Variants in FASTKD1 observed in about 807,000 individuals in gnomAD.
FASTKD1 encodes FAST kinase domains 1, also known as FAST kinase domain-containing protein 1, mitochondrial.
Under a neutral mutation model 90.9 loss-of-function variants are expected in FASTKD1, and 94 were observed. The ratio of observed to expected loss-of-function variants is 1.03; its 90% CI spans 0.88 to 1.23. The LOEUF (loss-of-function observed/expected upper bound fraction) is 1.23, where lower values mean the gene tolerates loss of function less well. Among genes scored for constraint, FASTKD1 ranks in the 50% most tolerant of loss-of-function variants. The pLI, the probability that FASTKD1 is intolerant of heterozygous loss-of-function variation, is 0.00. For missense variants in FASTKD1, 945 were observed against 993.5 expected, an observed-to-expected ratio of 0.95 and a Z score of 0.66; for synonymous variants, 319 against 345.8, an observed-to-expected ratio of 0.92 and a Z score of 0.86.
chr2:169,556,660 C>A (rs2105395590), intron 6 of FASTKD1, among the ~76,000 whole-genome samples: 1 of 151,842 alleles, frequency 6.6e-6, no homozygotes, highest in Non-Finnish European at 1.5e-5. Context: ...CCCGCTTCTA[C>A]TAAAAAATAC....
Position 169,531,488 on chromosome 2 carries a change from A to G in FASTKD1, c.2191T>C (p.Phe731Leu), listed in dbSNP as rs1396806020. The G allele has an allele frequency of 6.3e-7, 1 of 1,599,200 alleles. No individual in the cohort carries two copies. Among genetic ancestry groups the G allele is most frequent in the Non-Finnish European group, 8.5e-7 (1 of 1,175,452 alleles). ...VLTPYYHKVD[F>L]ECILDKRKKP... ...TTTCTTTTATCCAAGATACACTCAA[A>G]ATCTTAAGGAAGCATAGAAACTGGT... Residue 731 changes from phenylalanine (F) to leucine (L), a missense_variant and splice_region_variant, in exon 13 of 15, where the codon TTT (phenylalanine) becomes CTT (leucine). Phe to Leu is a conservative substitution (Grantham distance 22). Coordinates refer to ENST00000453153, the MANE Select transcript of FASTKD1 (RefSeq NM_024622.6).
In FASTKD1 at chr2:169,529,653, C is replaced by A. The variant is rs1684389966; in HGVS notation, c.*172G>T. 1 of 569,630 alleles carries A rather than the reference C, an allele frequency of 1.8e-6. No individual in the cohort carries two copies. The highest frequency in any genetic ancestry group is 3.4e-5 in the Admixed American group (1 of 29,384). 35.3% of individuals were successfully genotyped at this position (569,630 alleles called of 1,614,324 possible). ...TCTTATCTTTTCTCTTATACACTCC[C>A]ACCCCACTCCCCACTTGTTCTGCTC... On this transcript the variant is annotated 3_prime_UTR_variant, in exon 15 of 15. Transcript: ENST00000453153.
intron 5 of FASTKD1, 90 bp from the exon 6 acceptor site, chr2:169,557,387 G>GA (rs56157235): frequency 0.72 from 377,735 of 525,212 alleles, 137,887 homozygotes; most frequent in East Asian, 0.96. Flanking sequence ...TAACAAATAG[G>GA]AAAAAAAATA....
At position 169,530,604 on chromosome 2, in the gene FASTKD1, C is replaced by T. The variant is rs895035315; in HGVS notation, c.2425G>A (p.Gly809Arg). 1 of 1,604,184 alleles carries T rather than the reference C, an allele frequency of 6.2e-7. No individual in the cohort carries two copies. Among genetic ancestry groups the T allele is most frequent in the Admixed American group, 1.7e-5 (1 of 58,664 alleles). ...AMKKRHLEIL[G>R]YRVIQISQFE... ...TTTCATACCTGAATTACACGATACC[C>T]CAGAATTTCCAAATGTCGTTTTTTC... The change falls in exon 14 of 15, where the codon GGG becomes AGG. Residue 809 changes from glycine to arginine, a missense_variant. Gly to Arg is a moderately radical substitution (Grantham distance 125). Transcript: ENST00000453153.
At chr2:169,540,397 G>T (rs1223184851) in intron 9 of FASTKD1, among the ~76,000 whole-genome samples, 3 of 152,246 alleles carry the variant, frequency 2.0e-5, no homozygotes, top group Admixed American at 6.5e-5. Flanking sequence ...GTGATAATAC[G>T]CTGTGTCTTG....
intron 3 of FASTKD1, among the ~76,000 whole-genome samples, chr2:169,564,382 C>G (rs1029605089): frequency 1.3e-5 from 2 of 151,860 alleles, no homozygotes; most frequent in African/African-American, 4.8e-5. Flanking sequence ...ACTTGAACAT[C>G]TAGGCTCAAG....
intron 2 of FASTKD1, 29 bp from the exon 3 acceptor site, chr2:169,569,281 C>A (rs1040750589): frequency 1.9e-6 from 3 of 1,595,236 alleles, no homozygotes; most frequent in Non-Finnish European, 2.6e-6. Context: ...ATCCTCCATA[C>A]ATAATCATTT....
Position 169,540,140 on chromosome 2 carries a change from G to A in FASTKD1, c.1856C>T (p.Ser619Phe). The A allele has an allele frequency of 6.2e-7, 1 of 1,601,572 alleles. No homozygotes were observed. The highest frequency in any genetic ancestry group is 8.5e-7 in the Non-Finnish European group (1 of 1,171,548). ...TGGAAAATATTCAAGTGTGGCCAAA[G>A]AGAAACCAAGAAACACTAATATAAA... is the stretch of plus-strand genomic sequence containing the variant. ...DPFILVFLGFSLATLEYFPED... is the reference protein window; with the variant it reads ...DPFILVFLGFFLATLEYFPED... Residue 619 changes from serine (S) to phenylalanine (F), a missense_variant, in exon 10 of 15, where the codon TCT becomes TTT. Ser to Phe is a radical substitution (Grantham distance 155). Transcript: ENST00000453153.
intron 7 of FASTKD1, among the ~76,000 whole-genome samples, chr2:169,553,198 T>C (rs1314668064): frequency 8.1e-6 from 1 of 123,208 alleles, no homozygotes; most frequent in Non-Finnish European, 1.7e-5. Context: ...CGAGACTGCA[T>C]CTCAAAAAAC....
At chr2:169,537,693 G>A (rs1156753660) in intron 11 of FASTKD1, among the ~76,000 whole-genome samples, 1 of 151,960 alleles carries the variant, frequency 6.6e-6, no homozygotes, top group Non-Finnish European at 1.5e-5. Context: ...GACTTAATCA[G>A]TTTTTTAATG....
At chr2:169,562,645 AT>A (rs144080522) in intron 4 of FASTKD1, among the ~76,000 whole-genome samples, 6,600 of 152,160 alleles carry the variant, frequency 0.043, 204 homozygotes, top group Admixed American at 0.06. Context: ...TTCAGAGGCC[AT>A]TTTCAGTGGG....
intron 12 of FASTKD1, among the ~76,000 whole-genome samples, chr2:169,533,166 T>A (rs1158273113): frequency 6.6e-6 from 1 of 152,178 alleles, no homozygotes; most frequent in Non-Finnish European, 1.5e-5. Flanking sequence ...TTACGTTAAA[T>A]TTCCCATATT....
Position 169,560,596 on chromosome 2 carries a change from G to T in FASTKD1, c.762C>A (p.Asn254Lys). 1 of 1,607,872 alleles carries T rather than the reference G, an allele frequency of 6.2e-7. No homozygotes were observed. Among genetic ancestry groups the T allele is most frequent in the Middle Eastern group, 1.7e-4 (1 of 6,042 alleles). The change falls in exon 5 of 15, where the codon AAC (asparagine) becomes AAA (lysine). Residue 254 changes from asparagine to lysine, a missense_variant. Coordinates refer to ENST00000453153, the MANE Select transcript of FASTKD1 (RefSeq NM_024622.6). Reference protein sequence around the residue: ...RYQPLLERCNNVFLSNVDHLD... With the variant: ...RYQPLLERCNKVFLSNVDHLD... ...GGTGGTCCACATTACTTAAAAATAC[G>T]TTATTACATCTTTCTAATAGTGGTT...
intron 1 of FASTKD1, among the ~76,000 whole-genome samples, chr2:169,572,712 G>C (rs1684288863): frequency 6.6e-6 from 1 of 151,628 alleles, no homozygotes; most frequent in East Asian, 1.9e-4. Context: ...TACTGGCCTT[G>C]GATAGGTTTT....
Position 169,529,755 on chromosome 2 carries a change from A to T in FASTKD1, c.*70T>A. The T allele has an allele frequency of 9.5e-7, 1 of 1,047,814 alleles. No homozygotes were observed. Among genetic ancestry groups the T allele is most frequent in the Non-Finnish European group, 1.4e-6 (1 of 705,546 alleles). 64.9% of individuals were successfully genotyped at this position (1,047,814 alleles called of 1,614,324 possible). A position where few individuals can be genotyped will look rare whatever the true frequency, so the allele number is the denominator to read the frequency against. On this transcript the variant is annotated 3_prime_UTR_variant, in exon 15 of 15. Coordinates refer to ENST00000453153, the MANE Select transcript of FASTKD1 (RefSeq NM_024622.6). ...CTTAGGACATTTGTACCTATTTTTTAATTGAGACAGGCCACTTTATTAAAA... is the reference window on the plus strand; with the variant it reads ...CTTAGGACATTTGTACCTATTTTTTTATTGAGACAGGCCACTTTATTAAAA...
chr2:169,561,312 G>C (rs1683586148), intron 4 of FASTKD1, among the ~76,000 whole-genome samples: 1 of 151,492 alleles, frequency 6.6e-6, no homozygotes, highest in South Asian at 2.1e-4. Context: ...GGGAAGTAGG[G>C]TGGAGTGGGG....
intron 7 of FASTKD1, among the ~76,000 whole-genome samples, chr2:169,551,913 G>A (rs1285927939): frequency 6.6e-6 from 1 of 152,090 alleles, no homozygotes; most frequent in African/African-American, 2.4e-5. Context: ...AATGAGGAAG[G>A]CAAATGTATA....
chr2:169,546,376 A>T lies in FASTKD1; in HGVS notation c.1543T>A (p.Ser515Thr), dbSNP rs755347933. Residue 515 changes from serine (S) to threonine (T), a missense_variant, in exon 8 of 15, where the codon TCA (serine) becomes ACA (threonine). By Grantham distance (58) the Ser-to-Thr change is moderately conservative (BLOSUM62 1). Coordinates refer to ENST00000453153, the MANE Select transcript of FASTKD1 (RefSeq NM_024622.6). The stretch of plus-strand genomic sequence containing the variant: ...GTAGCAATCATTTCTTCAAGAAGTG[A>T]CTCAGGAAACGTGTTTCCTTTGAGA... ...KSLKGNTFPE[S>T]LLEEMIATLQ... is the part of the protein sequence containing the mutation. 1.7e-5 allele frequency: 27 copies of T among 1,613,888 alleles called. No homozygotes were observed. The highest frequency in any genetic ancestry group is 2.2e-5 in the Non-Finnish European group (26 of 1,179,964).
intron 7 of FASTKD1, among the ~76,000 whole-genome samples, chr2:169,553,196 C>A (rs1288489810): frequency 7.7e-6 from 1 of 129,192 alleles, no homozygotes; most frequent in African/African-American, 2.9e-5. Flanking sequence ...GGCGAGACTG[C>A]ATCTCAAAAA....
Sources: allele counts gnomAD v4.1 joint callset (sites outside exome capture counted in the v4.1 genomes callset), GRCh38; gene constraint gnomAD v4.1.1; transcripts MANE v1.5; gene names NCBI Gene and HGNC (gene_info 2026-07-23, HGNC 2026-07-21).